The following RARS2 variants were observed in gnomAD, a reference collection of about 807,000 sequenced individuals.
RARS2 encodes the protein arginyl-tRNA synthetase 2, mitochondrial, also known as probable arginine--tRNA ligase, mitochondrial.
A neutral mutation model predicts 88.5 loss-of-function variants in RARS2; 67 were observed. The ratio of observed to expected loss-of-function variants is 0.76; its 90% CI spans 0.62 to 0.93. RARS2 has a LOEUF of 0.93. RARS2 is among the 40% of genes least tolerant of loss of function. The pLI, the probability that RARS2 is intolerant of heterozygous loss-of-function variation, is 0.00. For synonymous variants in RARS2, 239 were observed against 230.3 expected (o/e 1.04, Z -0.34); for missense variants, 664 against 684.2 (o/e 0.97, Z 0.33).
At chr6:87,562,410 T>C (rs1297105426) in intron 4 of RARS2, among the ~76,000 whole-genome samples, 2 of 152,250 alleles carry the variant, frequency 1.3e-5, no homozygotes, top group African/African-American at 2.4e-5. Flanking sequence ...TATTGTCTTA[T>C]GGGACCATCA....
At chr6:87,528,727 C>A (rs899389200) in intron 10 of RARS2, among the ~76,000 whole-genome samples, 3 of 151,928 alleles carry the variant, frequency 2.0e-5, no homozygotes, top group Non-Finnish European at 2.9e-5. Context: ...TTACCAAGGG[C>A]AGGGAATGGG....
chr6:87,588,543 TA>T (rs55710148), intron 1 of RARS2, among the ~76,000 whole-genome samples: 1 of 151,920 alleles, frequency 6.6e-6, no homozygotes, highest in Non-Finnish European at 1.5e-5. Flanking sequence ...GGCTACTTTT[TA>T]AAAAAAATTT....
chr6:87,533,641 A>G (rs1042697752), intron 8 of RARS2, among the ~76,000 whole-genome samples: 1 of 152,202 alleles, frequency 6.6e-6, no homozygotes, highest in Non-Finnish European at 1.5e-5. Context: ...TAGGGAATAA[A>G]CTAAATGTCT....
chr6:87,551,493 G>A (rs1032383250), intron 5 of RARS2, among the ~76,000 whole-genome samples: 8 of 151,644 alleles, frequency 5.3e-5, no homozygotes, highest in African/African-American at 1.9e-4. Flanking sequence ...GGGCGTGGTG[G>A]TGCATGCCTG....
intron 1 of RARS2, among the ~76,000 whole-genome samples, chr6:87,576,531 C>G (rs1771629330): frequency 6.7e-6 from 1 of 148,896 alleles, no homozygotes; most frequent in Non-Finnish European, 1.5e-5. Context: ...CCGCCTCGGC[C>G]TCCCAAAGTG....
intron 7 of RARS2, among the ~76,000 whole-genome samples, chr6:87,545,079 A>G (rs1280391660): frequency 2.0e-5 from 3 of 151,732 alleles, no homozygotes; most frequent in African/African-American, 7.3e-5. Flanking sequence ...TAAAACCACA[A>G]AAGCCTACAT....
chr6:87,515,074 A>G, intron 18 of RARS2, 54 bp from the exon 19 acceptor site: 1 of 1,345,564 alleles, frequency 7.4e-7, no homozygotes. Flanking sequence ...TCCTGTTGTA[A>G]GATATGAGCT....
intron 8 of RARS2, among the ~76,000 whole-genome samples, chr6:87,541,199 C>T (rs962132167): frequency 3.9e-5 from 6 of 152,296 alleles, no homozygotes; most frequent in African/African-American, 1.4e-4. Context: ...CTTTCTGAGA[C>T]AGGGTCTTGC....
Position 87,562,724 on chromosome 6 carries a change from A to G in RARS2, c.275T>C (p.Ile92Thr). 1 of 1,612,354 alleles carries G rather than the reference A, an allele frequency of 6.2e-7. No homozygotes were observed. The highest frequency in any genetic ancestry group is 8.5e-7 in the Non-Finnish European group (1 of 1,178,356). Reference sequence around the variant, plus strand: ...TACCTTTGTTAAGAGCTCTCTGTTTATTTTGAAATTTACAGTCCTTTGACC... The same window carrying G: ...TACCTTTGTTAAGAGCTCTCTGTTTGTTTTGAAATTTACAGTCCTTTGACC... The part of the protein sequence containing the change: ...STGQRTVNFK[I>T]NRELLTKTVL... The change falls in exon 4 of 20, where the codon ATA (isoleucine) becomes ACA (threonine). Residue 92 changes from isoleucine to threonine, a missense_variant. Physicochemically the swap from Ile to Thr is moderately conservative, Grantham distance 89 (BLOSUM62 -1). Coordinates refer to ENST00000369536, the MANE Select transcript of RARS2 (RefSeq NM_020320.5).
chr6:87,533,217 T>C (rs1359611765), intron 8 of RARS2, among the ~76,000 whole-genome samples: 2 of 152,158 alleles, frequency 1.3e-5, no homozygotes, highest in South Asian at 4.1e-4. Flanking sequence ...ATATGACTAT[T>C]TTAGAAAAAA....
intron 1 of RARS2, 102 bp downstream of exon 1, chr6:87,589,820 G>A (rs761132933): frequency 6.2e-7 from 1 of 1,612,860 alleles, no homozygotes; most frequent in Non-Finnish European, 8.5e-7. Context: ...AGGATTCCGT[G>A]GGACCCACCC....
chr6:87,548,387 A>G (rs968584808), intron 6 of RARS2, among the ~76,000 whole-genome samples: 3 of 152,218 alleles, frequency 2.0e-5, no homozygotes, highest in Admixed American at 2.0e-4. Context: ...TTCTCAGTGA[A>G]TCTTTTGGTT....
intron 2 of RARS2, chr6:87,564,546 A>T (rs1207238885): frequency 7.9e-6 from 3 of 377,650 alleles, no homozygotes; most frequent in Non-Finnish European, 5.0e-6. Context: ...GTGTGTACCT[A>T]CAATCCCAGC....
At chr6:87,560,561 G>A (rs183411800) in intron 4 of RARS2, among the ~76,000 whole-genome samples, 11 of 152,310 alleles carry the variant, frequency 7.2e-5, no homozygotes, top group Admixed American at 7.2e-4. Context: ...GTCCTAACAA[G>A]AATCGAATTT....
At chr6:87,583,525 G>A (rs1774220965) in intron 1 of RARS2, among the ~76,000 whole-genome samples, 2 of 151,530 alleles carry the variant, frequency 1.3e-5, no homozygotes, top group African/African-American at 4.9e-5. Context: ...GGAGGTGGAG[G>A]TTGCGGTGAG....
chr6:87,527,411 A>G (rs1400958784), intron 10 of RARS2, among the ~76,000 whole-genome samples: 1 of 152,226 alleles, frequency 6.6e-6, no homozygotes, highest in African/African-American at 2.4e-5. Context: ...CTCACCATGT[A>G]CAAAAGTCAA....
Position 87,519,706 on chromosome 6 carries a change from A to C in RARS2, c.1114T>G (p.Cys372Gly), listed in dbSNP as rs1773218294. 6.2e-7 allele frequency: 1 copy of C among 1,614,024 alleles called. No individual in the cohort carries two copies. Among genetic ancestry groups the C allele is most frequent in the Non-Finnish European group, 8.5e-7 (1 of 1,179,892 alleles). Residue 372 changes from cysteine (C) to glycine (G), a missense_variant and splice_region_variant, in exon 14 of 20, where the codon TGC becomes GGC. Transcript: ENST00000369536. ...ACTACTCCAAAGGGCACGTGCTGGCACCTAAAAGAGTGGGCATCTAGTTAA... is the reference window on the plus strand; with the variant it reads ...ACTACTCCAAAGGGCACGTGCTGGCCCCTAAAAGAGTGGGCATCTAGTTAA... ...KIMGYDWAERCQHVPFGVVQG... is the reference protein window; with the variant it reads ...KIMGYDWAERGQHVPFGVVQG...
At chr6:87,564,430 C>T in intron 2 of RARS2, 198 bp from the exon 3 acceptor site, 1 of 554,720 alleles carries the variant, frequency 1.8e-6, no homozygotes, top group South Asian at 2.0e-5. Flanking sequence ...GAGGCTAAGG[C>T]AGGCGGATCA....
chr6:87,518,232 T>C lies in RARS2; in HGVS notation c.1448A>G (p.Asn483Ser). ...LEETFGCGYL[N>S]DFNTACLQEP... ...TTGTAAACAAGCAGTGTTGAAGTCA[T>C]TCAGGTACCCACATCCAAAAGTCTC... Residue 483 changes from asparagine (N) to serine (S), a missense_variant, in exon 17 of 20, where the codon AAT becomes AGT. Coordinates refer to ENST00000369536, the MANE Select transcript of RARS2 (RefSeq NM_020320.5). 6.2e-7 allele frequency: 1 copy of C among 1,614,168 alleles called. No individual in the cohort carries two copies. The highest frequency in any genetic ancestry group is 8.5e-7 in the Non-Finnish European group (1 of 1,180,030).
Sources: allele counts gnomAD v4.1 joint callset (sites outside exome capture counted in the v4.1 genomes callset), GRCh38; gene constraint gnomAD v4.1.1; transcripts MANE v1.5; gene names NCBI Gene and HGNC (gene_info 2026-07-23, HGNC 2026-07-21).